FOCAD: variants seen among roughly 807,000 people sequenced by gnomAD.
FOCAD encodes the protein KIAA1797.
FOCAD carries 198 observed loss-of-function variants against 225.6 expected under a neutral mutation model. The observed-to-expected ratio is 0.88, with a 90% confidence interval of 0.78 to 0.99. The LOEUF (loss-of-function observed/expected upper bound fraction) is 0.99, where lower values mean the gene tolerates loss of function less well. Ranked by LOEUF, FOCAD falls within the 50% of genes least tolerant of loss-of-function variation. The pLI, the probability that FOCAD is intolerant of heterozygous loss-of-function variation, is 0.00. For synonymous variants in FOCAD, 897 were observed against 755.0 expected (o/e 1.19, Z -3.08); for missense variants, 2,713 against 2,123.6 (o/e 1.28, Z -5.46).
At chr9:20,694,094 C>T (rs1823150469) in intron 1 of FOCAD, among the ~76,000 whole-genome samples, 1 of 152,190 alleles carries the variant, frequency 6.6e-6, no homozygotes, top group Admixed American at 6.5e-5. Flanking sequence ...AGAAGATTAT[C>T]ATGTTCTCTT....
intron 15 of FOCAD, among the ~76,000 whole-genome samples, chr9:20,824,475 C>A (rs1824662286): frequency 6.6e-6 from 1 of 151,840 alleles, no homozygotes; most frequent in African/African-American, 2.4e-5. Context: ...TTTCTCTGCC[C>A]ATCCCCTCCT....
At chr9:20,711,033 T>C (rs1469324179) in intron 1 of FOCAD, among the ~76,000 whole-genome samples, 1 of 152,236 alleles carries the variant, frequency 6.6e-6, no homozygotes, top group African/African-American at 2.4e-5. Flanking sequence ...AGTTGCTCTC[T>C]GGCCCTTTAC....
intron 8 of FOCAD, among the ~76,000 whole-genome samples, chr9:20,775,385 A>T (rs1287952118): frequency 6.6e-6 from 1 of 152,184 alleles, no homozygotes; most frequent in Non-Finnish European, 1.5e-5. Context: ...AAGGGTCGGA[A>T]ACTTCCCAGC....
At chr9:20,796,513 A>T (rs1474777067) in intron 11 of FOCAD, among the ~76,000 whole-genome samples, 1 of 152,098 alleles carries the variant, frequency 6.6e-6, no homozygotes, top group Non-Finnish European at 1.5e-5. Context: ...CATTCTAACC[A>T]GTGTGAGATG....
chr9:20,852,902 G>C (rs1827812494), intron 15 of FOCAD, among the ~76,000 whole-genome samples: 1 of 151,640 alleles, frequency 6.6e-6, no homozygotes, highest in Admixed American at 6.6e-5. Context: ...GATTTATTGA[G>C]TTTTAAGCTA....
At chr9:20,881,826 T>A in intron 19 of FOCAD, 45 bp from the exon 20 acceptor site, 1 of 1,575,050 alleles carries the variant, frequency 6.3e-7, no homozygotes, top group Non-Finnish European at 8.6e-7. Flanking sequence ...CTCTTCTAGC[T>A]TATTGTATTT....
At position 20,960,648 on chromosome 9, in the gene FOCAD, A is replaced by G. The variant is rs1838619076; in HGVS notation, c.4132+7583A>G. Among the ~76,000 whole-genome samples the G allele has an allele frequency of 2.0e-5, 3 of 152,060 alleles. No homozygotes were observed. In the South Asian group the frequency reaches 6.2e-4, roughly 32 times the overall value. ...TGTACACAATGTGCAGGTTTGTTAC[A>G]TATGTATACATGTGCCATATTGGTG... is the stretch of plus-strand genomic sequence containing the variant. On this transcript the variant is annotated intron_variant, in intron 35 of 43. Coordinates refer to ENST00000338382, the MANE Select transcript of FOCAD (RefSeq NM_001375567.1).
intron 6 of FOCAD, among the ~76,000 whole-genome samples, chr9:20,760,850 A>T (rs1404294643): frequency 2.0e-5 from 3 of 152,146 alleles, no homozygotes; most frequent in Admixed American, 2.0e-4. Flanking sequence ...GTGAGCGGAG[A>T]TTGTACCACT....
chr9:20,698,350 T>C (rs1823553820), intron 1 of FOCAD, among the ~76,000 whole-genome samples: 1 of 152,054 alleles, frequency 6.6e-6, no homozygotes, highest in African/African-American at 2.4e-5. Flanking sequence ...ACACATTATA[T>C]ATACTATATG....
At chr9:20,767,506 T>A (rs2130975334) in intron 7 of FOCAD, among the ~76,000 whole-genome samples, 1 of 151,844 alleles carries the variant, frequency 6.6e-6, no homozygotes, top group East Asian at 1.9e-4. Context: ...GACTTTTTAA[T>A]GATCGCCATT....
intron 2 of FOCAD, among the ~76,000 whole-genome samples, chr9:20,663,798 AT>A (rs1378218181): frequency 6.6e-6 from 1 of 152,160 alleles, no homozygotes; most frequent in Non-Finnish European, 1.5e-5. Flanking sequence ...TCTAAAACAC[AT>A]TTTCTGTAAA....
At chr9:20,804,671 T>G (rs1436323209) in intron 11 of FOCAD, among the ~76,000 whole-genome samples, 1 of 152,176 alleles carries the variant, frequency 6.6e-6, no homozygotes, top group Non-Finnish European at 1.5e-5. Flanking sequence ...TTAAATCGCC[T>G]GATTGAGAGG....
At chr9:20,862,001 A>AT (rs1828812720) in intron 15 of FOCAD, among the ~76,000 whole-genome samples, 1 of 152,144 alleles carries the variant, frequency 6.6e-6, no homozygotes, top group Non-Finnish European at 1.5e-5. Context: ...TTTATCATTA[A>AT]TGACCTCTTA....
At chr9:20,697,870 T>C (rs1242403650) in intron 1 of FOCAD, among the ~76,000 whole-genome samples, 1 of 152,250 alleles carries the variant, frequency 6.6e-6, no homozygotes, top group Non-Finnish European at 1.5e-5. Flanking sequence ...GCAGATGGAT[T>C]AATCTCCTGG....
At position 20,789,402 on chromosome 9, in the gene FOCAD, A is replaced by G; in HGVS notation, c.1249A>G (p.Thr417Ala). Residue 417 changes from threonine (T) to alanine (A), a missense_variant, in exon 11 of 44, where the codon ACA becomes GCA. Transcript: ENST00000338382. ...AACCAGTATGTATGGTACAATATTT[A>G]CAGCCTGGAGGATTCTTGAAGTAAT... is the stretch of plus-strand genomic sequence containing the variant. ...PVTSMYGTIF[T>A]AWRILEVMTD... is the part of the protein sequence containing the mutation. The G allele has an allele frequency of 6.2e-7, 1 of 1,614,008 alleles. No individual in the cohort carries two copies.
chr9:20,734,747 T>G (rs1826997856), intron 4 of FOCAD, among the ~76,000 whole-genome samples: 2 of 151,908 alleles, frequency 1.3e-5, no homozygotes, highest in Admixed American at 6.6e-5. Context: ...TGGGCTCAAG[T>G]GATCCTCCCA....
chr9:20,701,932 T>C (rs1563891544), intron 1 of FOCAD, among the ~76,000 whole-genome samples: 1 of 152,198 alleles, frequency 6.6e-6, no homozygotes, highest in Non-Finnish European at 1.5e-5. Flanking sequence ...TAAAGATTTA[T>C]TTGATTTCCT....
At chr9:20,799,250 G>T (rs1411932662) in intron 11 of FOCAD, among the ~76,000 whole-genome samples, 3 of 152,190 alleles carry the variant, frequency 2.0e-5, no homozygotes, top group Non-Finnish European at 2.9e-5. Flanking sequence ...ATTTGCTGAG[G>T]AGTGCTTTAC....
chr9:20,968,064 C>G (rs1445340515), intron 35 of FOCAD, among the ~76,000 whole-genome samples: 1 of 152,104 alleles, frequency 6.6e-6, no homozygotes, highest in Admixed American at 6.5e-5. Context: ...GGAGAATTCA[C>G]CAATGAAGCC....
Sources: allele counts gnomAD v4.1 joint callset (sites outside exome capture counted in the v4.1 genomes callset), GRCh38; gene constraint gnomAD v4.1.1; transcripts MANE v1.5; gene names NCBI Gene and HGNC (gene_info 2026-07-23, HGNC 2026-07-21).